DUSP10: variants seen among roughly 807,000 people sequenced by gnomAD.
The protein encoded by DUSP10 is dual specificity protein phosphatase 10.
In DUSP10, 14 loss-of-function variants were observed where a neutral mutation model predicts 30.8. The observed-to-expected ratio is 0.46, with a 90% CI of 0.30 to 0.71. The LOEUF (loss-of-function observed/expected upper bound fraction) is 0.71, where lower values mean the gene tolerates loss of function less well. Among genes scored for constraint, DUSP10 ranks in the 30% least tolerant of loss-of-function variants. The pLI is 0.08. For synonymous variants in DUSP10, 254 were observed against 250.4 expected (o/e 1.01, Z -0.14); for missense variants, 550 against 619.4 (o/e 0.89, Z 1.19).
chr1:221,729,262 C>T (rs1355671932), intron 2 of DUSP10, among the ~76,000 whole-genome samples: 1 of 152,188 alleles, frequency 6.6e-6, no homozygotes, highest in Admixed American at 6.5e-5. Context: ...AGCCAGTCTA[C>T]TCTAAGGACA....
chr1:221,730,070 C>T (rs1481116254), intron 2 of DUSP10, among the ~76,000 whole-genome samples: 3 of 152,120 alleles, frequency 2.0e-5, no homozygotes, highest in Non-Finnish European at 4.4e-5. Context: ...TCTGTCCACT[C>T]CCCCACCCCT....
intron 2 of DUSP10, among the ~76,000 whole-genome samples, chr1:221,733,904 C>T (rs1203949035): frequency 6.6e-6 from 1 of 152,108 alleles, no homozygotes; most frequent in Non-Finnish European, 1.5e-5. Context: ...ATCTGTTCAC[C>T]TACACTTAAA....
Position 221,706,559 on chromosome 1 carries a change from C to T in DUSP10, c.812-93G>A, listed in dbSNP as rs892323232. ...ATTAGAATGAGTTTGCATTGTAGCT[C>T]ATGCATATTTTAAATACATATATAA... On this transcript the variant is annotated intron_variant, in intron 2 of 3. Transcript: ENST00000366899. The surrounding 1 kb of genome is among the most constrained non-coding windows in gnomAD (Gnocchi z 4.6). The T allele has an allele frequency of 4.3e-6, 4 of 931,750 alleles. No homozygotes were observed. The Admixed American group carries it at 1.2e-4, about 27-fold the overall frequency. The allele number at this position is 931,750 out of a possible 1,614,324, so 57.7% of individuals were successfully genotyped here. A position where few individuals can be genotyped will look rare whatever the true frequency, so the allele number is the denominator to read the frequency against.
intron 2 of DUSP10, among the ~76,000 whole-genome samples, chr1:221,720,235 A>T (rs1661242160): frequency 6.6e-6 from 1 of 152,198 alleles, no homozygotes; most frequent in African/African-American, 2.4e-5. Context: ...AGCTCCAGGA[A>T]GGGAGCTGGT....
chr1:221,730,893 C>A (rs374218508), intron 2 of DUSP10, among the ~76,000 whole-genome samples: 2 of 152,014 alleles, frequency 1.3e-5, no homozygotes, highest in East Asian at 3.9e-4. Flanking sequence ...TAGACATAAC[C>A]TGGAAAAAAC....
Position 221,739,290 on chromosome 1 carries a change from G to A in DUSP10, c.455C>T (p.Pro152Leu), listed in dbSNP as rs780936253. 1 of 1,614,182 alleles carries A rather than the reference G, an allele frequency of 6.2e-7. No homozygotes were observed. The highest frequency in any genetic ancestry group is 1.1e-5 in the South Asian group (1 of 91,070). Residue 152 changes from proline (P) to leucine (L), a missense_variant, in exon 2 of 4, where the codon CCC becomes CTC. Pro to Leu is a moderately conservative substitution (Grantham distance 98). Coordinates refer to ENST00000366899, the MANE Select transcript of DUSP10 (RefSeq NM_007207.6). ...GGTCATCTTCTTTGCCAAGTCATTGGGGTAGATTATTTTGATGCTGGCTAG... is the reference window on the plus strand; with the variant it reads ...GGTCATCTTCTTTGCCAAGTCATTGAGGTAGATTATTTTGATGCTGGCTAG... Reference protein sequence around the residue: ...KQLASIKIIYPNDLAKKMTKC... With the variant: ...KQLASIKIIYLNDLAKKMTKC...
intron 1 of DUSP10, among the ~76,000 whole-genome samples, chr1:221,741,046 A>G (rs1475182072): frequency 1.3e-5 from 2 of 152,164 alleles, no homozygotes; most frequent in African/African-American, 4.8e-5. Context: ...ATCCGTCTAC[A>G]CACGACCGTC....
intron 2 of DUSP10, among the ~76,000 whole-genome samples, chr1:221,715,630 C>T (rs141989650): frequency 6.6e-6 from 1 of 152,196 alleles, no homozygotes; most frequent in African/African-American, 2.4e-5. Flanking sequence ...GTAAATACAG[C>T]CTGTTTCTTT....
chr1:221,738,802 A>C, intron 2 of DUSP10, 132 bp downstream of exon 2: 1 of 1,182,850 alleles, frequency 8.5e-7, no homozygotes, highest in Non-Finnish European at 1.2e-6. Context: ...AAGAGCATAG[A>C]AGGGAAGAGA....
At chr1:221,730,291 G>T (rs1198072217) in intron 2 of DUSP10, among the ~76,000 whole-genome samples, 1 of 152,176 alleles carries the variant, frequency 6.6e-6, no homozygotes, top group Non-Finnish European at 1.5e-5. Context: ...CACAAAATAA[G>T]ATCAGTCGAG....
chr1:221,706,010 G>T lies in DUSP10; in HGVS notation c.1183+85C>A. On this transcript the variant is annotated intron_variant, in intron 3 of 3. Coordinates refer to ENST00000366899, the MANE Select transcript of DUSP10 (RefSeq NM_007207.6). This position sits in a 1 kb window ranked among gnomAD's most constrained non-coding sequence, Gnocchi z 4.6. ...GGGCAGCTTTTCTTTTCCAACACAGGAATAAACCTTGAACTTGATATCAAA... is the reference window on the plus strand; with the variant it reads ...GGGCAGCTTTTCTTTTCCAACACAGTAATAAACCTTGAACTTGATATCAAA... The T allele has an allele frequency of 6.5e-7, 1 of 1,528,772 alleles. No homozygotes were observed. The highest frequency in any genetic ancestry group is 8.8e-7 in the Non-Finnish European group (1 of 1,138,014). 94.7% of individuals were successfully genotyped at this position (1,528,772 alleles called of 1,614,324 possible). A position where few individuals can be genotyped will look rare whatever the true frequency, so the allele number is the denominator to read the frequency against.
intron 2 of DUSP10, among the ~76,000 whole-genome samples, chr1:221,715,576 G>C (rs1201298808): frequency 6.6e-6 from 1 of 152,168 alleles, no homozygotes; most frequent in Non-Finnish European, 1.5e-5. Flanking sequence ...GTGTGTATTT[G>C]AATAACACAG....
At chr1:221,709,030 C>T (rs1660856030) in intron 2 of DUSP10, among the ~76,000 whole-genome samples, 1 of 150,158 alleles carries the variant, frequency 6.7e-6, no homozygotes, top group Non-Finnish European at 1.5e-5. Flanking sequence ...CCAACACATG[C>T]TAGAAAACCC....
chr1:221,731,930 GA>G (rs1307920353), intron 2 of DUSP10, among the ~76,000 whole-genome samples: 2 of 150,472 alleles, frequency 1.3e-5, no homozygotes, highest in Admixed American at 6.6e-5. Flanking sequence ...AAAAGAAAAA[GA>G]AAAAAAAAGT....
At chr1:221,716,846 A>C (rs958461070) in intron 2 of DUSP10, among the ~76,000 whole-genome samples, 1 of 152,142 alleles carries the variant, frequency 6.6e-6, no homozygotes, top group Non-Finnish European at 1.5e-5. Context: ...CACCATAAAC[A>C]CTCAGATCAA....
rs1460258634 is a variant in DUSP10 at position 221,702,659 on chromosome 1, C to T, written c.1202G>A (p.Gly401Glu). Residue 401 changes from glycine to glutamate, a missense_variant, in exon 4 of 4, where the codon GGG (glycine) becomes GAG (glutamate). Gly to Glu is a moderately conservative substitution (Grantham distance 98). Transcript: ENST00000366899. The surrounding 1 kb of genome is among the most constrained non-coding windows in gnomAD (Gnocchi z 4.5). ...CTGGCAGTGGATGAGAAGCCCCTTC[C>T]CACACTGGTGAGCTTCCTCTGAAAA... ...FEFIEEAHQC[G>E]KGLLIHCQAG... 1 of 1,614,038 alleles carries T rather than the reference C, an allele frequency of 6.2e-7. No homozygotes were observed. Among genetic ancestry groups the T allele is most frequent in the Admixed American group, 1.7e-5 (1 of 60,020 alleles).
At position 221,738,928 on chromosome 1, in the gene DUSP10, C is replaced by T. The variant is rs970709260; in HGVS notation, c.811+6G>A. ...ACCGTGCTTGGGAAGGGAGCAGGGG[C>T]ATTACCTTTCAACACCAGAGGTTCT... On this transcript the variant is annotated splice_donor_region_variant and intron_variant, in intron 2 of 3. Transcript: ENST00000366899. 4.4e-6 allele frequency: 7 copies of T among 1,598,688 alleles called. No homozygotes were observed. Among genetic ancestry groups the T allele is most frequent in the Admixed American group, 1.7e-5 (1 of 58,900 alleles).
intron 2 of DUSP10, among the ~76,000 whole-genome samples, chr1:221,712,777 C>CAAAAAAAAAAAAAA (rs58249338): frequency 8.8e-5 from 5 of 56,922 alleles, no homozygotes; most frequent in African/African-American, 3.2e-4. Flanking sequence ...TATAAAGCAG[C>CAAAAAAAAAAAAAA]AAAAAAAAAA....
intron 2 of DUSP10, among the ~76,000 whole-genome samples, chr1:221,714,786 T>C (rs1661049566): frequency 6.6e-6 from 1 of 152,208 alleles, no homozygotes. Context: ...GTCTATGTCC[T>C]AAATTTTCTT....
Sources: allele counts gnomAD v4.1 joint callset (sites outside exome capture counted in the v4.1 genomes callset), GRCh38; gene constraint gnomAD v4.1.1; non-coding constraint Gnocchi (gnomAD v3.1); transcripts MANE v1.5; gene names NCBI Gene and HGNC (gene_info 2026-07-23, HGNC 2026-07-21).